Variants in CYP19A1 observed in about 807,000 individuals in gnomAD.
The protein encoded by CYP19A1 is cytochrome P450 family 19 subfamily A member 1.
CYP19A1 carries 32 observed loss-of-function variants against 44.4 expected under a neutral mutation model. The observed-to-expected ratio is 0.72, with a 90% confidence interval of 0.54 to 0.97. The LOEUF is 0.97. CYP19A1 is among the 50% of genes least tolerant of loss of function. The pLI is 0.00. For synonymous variants in CYP19A1, 212 were observed against 215.6 expected, an observed-to-expected ratio of 0.98 and a Z score of 0.14; for missense variants, 598 against 637.8, an observed-to-expected ratio of 0.94 and a Z score of 0.67.
intron 2 of CYP19A1, among the ~76,000 whole-genome samples, chr15:51,240,592 C>T (rs953196985): frequency 2.0e-4 from 30 of 152,116 alleles, no homozygotes; most frequent in African/African-American, 7.0e-4. Flanking sequence ...AAAGCCACCC[C>T]AAACAAGGCC....
chr15:51,257,802 A>G (rs2034570107), intron 1 of CYP19A1, among the ~76,000 whole-genome samples: 1 of 152,210 alleles, frequency 6.6e-6, no homozygotes, highest in Non-Finnish European at 1.5e-5. Flanking sequence ...TGTGGAACAT[A>G]ATAACTTTTA....
chr15:51,231,822 G>A (rs2033059939), intron 3 of CYP19A1, among the ~76,000 whole-genome samples: 1 of 151,812 alleles, frequency 6.6e-6, no homozygotes, highest in Admixed American at 6.6e-5. Flanking sequence ...ATTTTCCCAA[G>A]AAAGTGGAAG....
In CYP19A1 at chr15:51,242,779, G is replaced by T; in HGVS notation, c.134C>A (p.Ser45Tyr). The T allele has an allele frequency of 6.4e-7, 1 of 1,563,314 alleles. No homozygotes were observed. The highest frequency in any genetic ancestry group is 8.8e-7 in the Non-Finnish European group (1 of 1,133,700). Residue 45 changes from serine to tyrosine, a missense_variant, in exon 2 of 10, where the codon TCC becomes TAC. Physicochemically the swap from Ser to Tyr is moderately radical, Grantham distance 144 (BLOSUM62 -2). Transcript: ENST00000396402. ...FLLVWNYEGT[S>Y]SIPGPGYCMG... The stretch of plus-strand genomic sequence containing the variant: ...AATGACTGACTTACCTGGTATTGAG[G>T]ATGTGCCCTCATAATTCCACACCAA...
intron 1 of CYP19A1, among the ~76,000 whole-genome samples, chr15:51,274,694 G>T (rs1268676046): frequency 2.6e-5 from 4 of 152,204 alleles, no homozygotes; most frequent in Non-Finnish European, 1.5e-5. Flanking sequence ...AGGATCACAA[G>T]AAATAGAGAT....
At chr15:51,262,720 C>T (rs1023594901) in intron 1 of CYP19A1, among the ~76,000 whole-genome samples, 1 of 152,182 alleles carries the variant, frequency 6.6e-6, no homozygotes, top group Non-Finnish European at 1.5e-5. Flanking sequence ...AATATAGTTG[C>T]ACACTTAAAT....
chr15:51,221,928 C>T (rs1490189994), intron 5 of CYP19A1: 2 of 203,694 alleles, frequency 9.8e-6, no homozygotes, highest in African/African-American at 4.6e-5. Flanking sequence ...TGTTTAGTAG[C>T]TTTGAGGGAG....
At chr15:51,255,432 C>T (rs1426880208) in intron 1 of CYP19A1, 3 of 152,128 alleles carry the variant, frequency 2.0e-5, no homozygotes, top group Non-Finnish European at 4.4e-5. Context: ...CTTGTCTCTA[C>T]AAAAACCCAG....
chr15:51,281,048 C>T (rs1274740810), intron 1 of CYP19A1, among the ~76,000 whole-genome samples: 1 of 152,248 alleles, frequency 6.6e-6, no homozygotes, highest in Non-Finnish European at 1.5e-5. Context: ...CCCCACTGAG[C>T]ATCCAGAGAC....
At chr15:51,335,426 C>G (rs2036761591) in intron 1 of CYP19A1, among the ~76,000 whole-genome samples, 1 of 152,174 alleles carries the variant, frequency 6.6e-6, no homozygotes, top group Non-Finnish European at 1.5e-5. Flanking sequence ...GTGCTCTTAC[C>G]TGGAAGCACC....
chr15:51,226,835 A>C (rs1271155786), intron 4 of CYP19A1, among the ~76,000 whole-genome samples: 2 of 152,166 alleles, frequency 1.3e-5, no homozygotes, highest in Non-Finnish European at 2.9e-5. Context: ...GTCTCAGCTC[A>C]TTCATTACTC....
chr15:51,214,063 G>A (rs540832480), intron 8 of CYP19A1, among the ~76,000 whole-genome samples: 6 of 152,080 alleles, frequency 3.9e-5, no homozygotes, highest in East Asian at 1.9e-4. Flanking sequence ...TTTCCCTTAC[G>A]TTTAACTATT....
At chr15:51,327,834 G>T (rs1003090613) in intron 1 of CYP19A1, among the ~76,000 whole-genome samples, 1 of 151,658 alleles carries the variant, frequency 6.6e-6, no homozygotes, top group Non-Finnish European at 1.5e-5. Context: ...GAAACCCATA[G>T]ATAATATATC....
intron 1 of CYP19A1, among the ~76,000 whole-genome samples, chr15:51,260,501 C>T (rs1042258836): frequency 1.2e-4 from 19 of 152,154 alleles, no homozygotes; most frequent in Admixed American, 7.9e-4. Context: ...CACGGGTTTT[C>T]GGGATATTGA....
chr15:51,267,348 C>T (rs2034959168), intron 1 of CYP19A1, among the ~76,000 whole-genome samples: 1 of 152,090 alleles, frequency 6.6e-6, no homozygotes. Context: ...GCCCCGCGTT[C>T]AAAAAGCAGG....
intron 1 of CYP19A1, among the ~76,000 whole-genome samples, chr15:51,245,745 G>A (rs989176480): frequency 3.9e-5 from 6 of 152,186 alleles, no homozygotes; most frequent in Admixed American, 3.3e-4. Context: ...TCAGATATTG[G>A]TCTAAGCACT....
At chr15:51,293,109 G>A (rs58507954) in intron 1 of CYP19A1, among the ~76,000 whole-genome samples, 3,687 of 152,088 alleles carry the variant, frequency 0.024, 134 homozygotes, top group East Asian at 0.14. Flanking sequence ...TGGGGATTTG[G>A]GGGAAAGGGT....
At chr15:51,258,749 G>A (rs1333312750) in intron 1 of CYP19A1, among the ~76,000 whole-genome samples, 1 of 152,182 alleles carries the variant, frequency 6.6e-6, no homozygotes, top group African/African-American at 2.4e-5. Flanking sequence ...AAATTCTAAG[G>A]TAAGGTCTGT....
chr15:51,285,908 A>G (rs1280998977), intron 1 of CYP19A1, among the ~76,000 whole-genome samples: 1 of 152,066 alleles, frequency 6.6e-6, no homozygotes, highest in Non-Finnish European at 1.5e-5. Flanking sequence ...CTGGTGTTGG[A>G]TCTGATCACC....
intron 1 of CYP19A1, among the ~76,000 whole-genome samples, chr15:51,325,859 A>G (rs1331104310): frequency 6.6e-6 from 1 of 150,528 alleles, no homozygotes; most frequent in African/African-American, 2.5e-5. Flanking sequence ...AAAAAAAAAA[A>G]AAAAAGGGCA....
Sources: allele counts gnomAD v4.1 joint callset (sites outside exome capture counted in the v4.1 genomes callset), GRCh38; gene constraint gnomAD v4.1.1; transcripts MANE v1.5; gene names NCBI Gene and HGNC (gene_info 2026-07-23, HGNC 2026-07-21).